GJB2: variants seen among roughly 807,000 people sequenced by gnomAD.
GJB2 encodes gap junction protein beta 2.
A neutral mutation model predicts 16.0 loss-of-function variants in GJB2; 30 were observed. The ratio of observed to expected loss-of-function variants is 1.88; its 90% CI spans 1.41 to 2.55. The LOEUF (loss-of-function observed/expected upper bound fraction) is 2.55, where lower values mean the gene tolerates loss of function less well. Ranked by LOEUF, GJB2 falls within the 30% of genes most tolerant of loss-of-function variation. GJB2 has a pLI of 0.00. For missense variants in GJB2, 284 were observed against 289.7 expected (o/e 0.98, Z 0.14); for synonymous variants, 123 against 119.1 (o/e 1.03, Z -0.21).
chr13:20,189,578 C>T lies in GJB2; in HGVS notation c.4G>A (p.Asp2Asn). 1 of 1,614,024 alleles carries T rather than the reference C, an allele frequency of 6.2e-7. No homozygotes were observed. Among genetic ancestry groups the T allele is most frequent in the East Asian group, 2.2e-5 (1 of 44,884 alleles). Residue 2 changes from aspartate (D) to asparagine (N), a missense_variant, in exon 2 of 2, where the codon GAT becomes AAT. Physicochemically the swap from Asp to Asn is conservative, Grantham distance 23. Coordinates refer to ENST00000382848, the MANE Select transcript of GJB2 (RefSeq NM_004004.6). Reference sequence around the variant, plus strand: ...AGGATCGTCTGCAGCGTGCCCCAATCCATCTTCTACTCTGGGCGGTTTGCT... The same window carrying T: ...AGGATCGTCTGCAGCGTGCCCCAATTCATCTTCTACTCTGGGCGGTTTGCT... Reference protein sequence around the residue: MDWGTLQTILGG... With the variant: MNWGTLQTILGG...
intron 1 of GJB2, among the ~76,000 whole-genome samples, chr13:20,191,354 A>G (rs1253841180): frequency 6.6e-6 from 1 of 152,142 alleles, no homozygotes; most frequent in African/African-American, 2.4e-5. Flanking sequence ...GGGCTGCAGG[A>G]GGAGGGGTTT....
rs104894409 is a variant in GJB2, at chr13:20,189,332, C to A, written c.250G>T (p.Val84Leu). 9 of 1,614,092 alleles carry A rather than the reference C, an allele frequency of 5.6e-6. No homozygotes were observed. The highest frequency in any genetic ancestry group is 5.0e-5 in the Admixed American group (3 of 60,018). ...IRLWALQLIFVSTPALLVAMH... is the reference protein window; with the variant it reads ...IRLWALQLIFLSTPALLVAMH... Reference sequence around the variant, plus strand: ...GCCACTAGGAGCGCTGGCGTGGACACGAAGATCAGCTGCAGGGCCCATAGC... The same window carrying A: ...GCCACTAGGAGCGCTGGCGTGGACAAGAAGATCAGCTGCAGGGCCCATAGC... Residue 84 changes from valine to leucine, a missense_variant, in exon 2 of 2, where the codon GTG (valine) becomes TTG (leucine). Physicochemically the swap from Val to Leu is conservative, Grantham distance 32. Coordinates refer to ENST00000382848, the MANE Select transcript of GJB2 (RefSeq NM_004004.6).
At position 20,189,206 on chromosome 13, in the gene GJB2, C is replaced by T. The variant is rs745669787; in HGVS notation, c.376G>A (p.Val126Ile). 3 of 1,613,756 alleles carry T rather than the reference C, an allele frequency of 1.9e-6. No homozygotes were observed. Among genetic ancestry groups the T allele is most frequent in the Non-Finnish European group, 2.5e-6 (3 of 1,180,010 alleles). Residue 126 changes from valine to isoleucine, a missense_variant, in exon 2 of 2, where the codon GTC becomes ATC. By Grantham distance (29) the Val-to-Ile change is conservative. Transcript: ENST00000382848. ...CACCACAGGGAGCCTTCGATGCGGA[C>T]CTTCTGGGTTTTGATCTCCTCGATG... ...KDIEEIKTQKVRIEGSLWWTY... is the reference protein window; with the variant it reads ...KDIEEIKTQKIRIEGSLWWTY...
Position 20,189,267 on chromosome 13 carries a change from C to A in GJB2, c.315G>T (p.Lys105Asn). The change falls in exon 2 of 2, where the codon AAG (lysine) becomes AAT (asparagine). Residue 105 changes from lysine (K) to asparagine (N), a missense_variant. Lys to Asn is a moderately conservative substitution (Grantham distance 94). Coordinates refer to ENST00000382848, the MANE Select transcript of GJB2 (RefSeq NM_004004.6). ...CACTCTTTATCTCCCCCTTGATGAACTTCCTCTTCTTCTCATGTCTCCGGT... is the reference window on the plus strand; with the variant it reads ...CACTCTTTATCTCCCCCTTGATGAAATTCCTCTTCTTCTCATGTCTCCGGT... ...VAYRRHEKKR[K>N]FIKGEIKSEF... 1 of 1,613,236 alleles carries A rather than the reference C, an allele frequency of 6.2e-7. No individual in the cohort carries two copies.
At chr13:20,189,837 C>T (rs1015554564) in intron 1 of GJB2, 59 of 559,630 alleles carry the variant, frequency 1.1e-4, no homozygotes, top group Middle Eastern at 4.8e-4. Context: ...TAAAAAGTAG[C>T]TTGTTCACCT....
chr13:20,189,311 C>G lies in GJB2; in HGVS notation c.271G>C (p.Val91Leu). 1.2e-6 allele frequency: 2 copies of G among 1,614,028 alleles called. No homozygotes were observed. The highest frequency in any genetic ancestry group is 1.7e-6 in the Non-Finnish European group (2 of 1,180,028). ...CTCCGGTAGGCCACGTGCATGGCCACTAGGAGCGCTGGCGTGGACACGAAG... is the reference window on the plus strand; with the variant it reads ...CTCCGGTAGGCCACGTGCATGGCCAGTAGGAGCGCTGGCGTGGACACGAAG... ...LIFVSTPALL[V>L]AMHVAYRRHE... Residue 91 changes from valine (V) to leucine (L), a missense_variant, in exon 2 of 2, where the codon GTG becomes CTG. Coordinates refer to ENST00000382848, the MANE Select transcript of GJB2 (RefSeq NM_004004.6).
rs777225786 is a variant in GJB2, at chr13:20,189,183, C to T, written c.399G>A (p.Trp133Ter). Residue 133 changes from tryptophan (W) to a stop codon, truncating the protein, a stop_gained, in exon 2 of 2, where the codon TGG (tryptophan) becomes TGA (stop). Transcript: ENST00000382848. LOFTEE classifies it high-confidence loss of function. The stretch of plus-strand genomic sequence containing the variant: ...AGAAGATGCTGCTTGTGTAGGTCCA[C>T]CACAGGGAGCCTTCGATGCGGACCT... ...TQKVRIEGSL[W>*]WTYTSSIFFR... The T allele has an allele frequency of 2.5e-6, 4 of 1,613,902 alleles. No homozygotes were observed. The highest frequency in any genetic ancestry group is 3.4e-6 in the Non-Finnish European group (4 of 1,179,982).
Position 20,188,824 on chromosome 13 carries a change from G to T in GJB2, c.*77C>A. 1 of 1,151,982 alleles carries T rather than the reference G, an allele frequency of 8.7e-7. No homozygotes were observed. Among genetic ancestry groups the T allele is most frequent in the Non-Finnish European group, 1.3e-6 (1 of 762,466 alleles). The allele number at this position is 1,151,982 out of a possible 1,614,324, so 71.4% of individuals were successfully genotyped here. A position where few individuals can be genotyped will look rare whatever the true frequency, so the allele number is the denominator to read the frequency against. On this transcript the variant is annotated 3_prime_UTR_variant, in exon 2 of 2. Transcript: ENST00000382848. The stretch of plus-strand genomic sequence containing the variant: ...TTTGTGTTGGGAAATGCTAGCGACT[G>T]AGCCTTGACAGCTGAGCACGGGTTG...
In GJB2 at chr13:20,188,945, A is replaced by T. The variant is rs1959055197; in HGVS notation, c.637T>A (p.Leu213Met). 6 of 1,613,858 alleles carry T rather than the reference A, an allele frequency of 3.7e-6. No homozygotes were observed. In the East Asian group the frequency reaches 1.1e-4, roughly 30 times the overall value. The change falls in exon 2 of 2, where the codon TTG (leucine) becomes ATG (methionine). Residue 213 changes from leucine (L) to methionine (M), a missense_variant. By Grantham distance (15) the Leu-to-Met change is conservative. Coordinates refer to ENST00000382848, the MANE Select transcript of GJB2 (RefSeq NM_004004.6). The part of the protein sequence containing the change: ...ILLNVTELCY[L>M]LIRYCSGKSK... ...TTCCCAGAACAATATCTAATTAGCA[A>T]ATAACACAATTCAGTGACATTCAGC... is the stretch of plus-strand genomic sequence containing the variant.
intron 1 of GJB2, 47 bp from the exon 2 acceptor site, chr13:20,189,650 G>A: frequency 7.2e-7 from 1 of 1,385,316 alleles, no homozygotes. Context: ...AGCTAGGACA[G>A]AACAGGGAGA....
intron 1 of GJB2, among the ~76,000 whole-genome samples, chr13:20,191,630 G>A (rs751359517): frequency 3.9e-5 from 6 of 152,202 alleles, no homozygotes; most frequent in Non-Finnish European, 5.9e-5. Context: ...CAGAGGAGGA[G>A]CTGCCCTCCT....
intron 1 of GJB2, among the ~76,000 whole-genome samples, chr13:20,191,922 C>T (rs1202364915): frequency 6.6e-6 from 1 of 152,214 alleles, no homozygotes; most frequent in Non-Finnish European, 1.5e-5. Context: ...ACAGCAGTTT[C>T]GAAAGGGACT....
chr13:20,188,990 C>CTG lies in GJB2; in HGVS notation c.590_591dup (p.Val198GlnfsTer9), dbSNP rs1285756358. On this transcript the variant is annotated frameshift_variant, in exon 2 of 2. Transcript: ENST00000382848. LOFTEE classifies it high-confidence loss of function. ...TTCAGCAGGATGCAAATTCCAGACA[C>CTG]TGCAATCATGAACACTGTGAAGACA... The CTG allele has an allele frequency of 2.5e-6, 4 of 1,614,022 alleles. No individual in the cohort carries two copies. The Admixed American group carries it at 6.7e-5, about 27-fold the overall frequency.
chr13:20,192,611 G>C (rs1222338562), intron 1 of GJB2, among the ~76,000 whole-genome samples, 172 bp downstream of exon 1: 1 of 151,950 alleles, frequency 6.6e-6, no homozygotes, highest in African/African-American at 2.4e-5. Flanking sequence ...TCCGGAGCTC[G>C]GCCGCAGAAA....
chr13:20,189,862 A>C, intron 1 of GJB2: 2 of 503,014 alleles, frequency 4.0e-6, no homozygotes, highest in Non-Finnish European at 7.3e-6. Context: ...AATTCACCCA[A>C]TCTTTAAACA....
intron 1 of GJB2, among the ~76,000 whole-genome samples, chr13:20,190,532 T>C (rs959883005): frequency 7.2e-5 from 11 of 152,256 alleles, no homozygotes; most frequent in Non-Finnish European, 1.2e-4. Context: ...CCTCGGTTAC[T>C]GGCCCAGCTA....
At chr13:20,190,346 C>T (rs571273845) in intron 1 of GJB2, among the ~76,000 whole-genome samples, 19 of 152,324 alleles carry the variant, frequency 1.2e-4, no homozygotes, top group Middle Eastern at 6.8e-3. Flanking sequence ...CACAGACTTT[C>T]GTGTAGGCTT....
rs111033217 is a variant in GJB2 at position 20,189,538 on chromosome 13, T to G, written c.44A>C (p.Lys15Thr). 2.2e-5 allele frequency: 35 copies of G among 1,613,936 alleles called. No individual in the cohort carries two copies. Among genetic ancestry groups the G allele is most frequent in the Non-Finnish European group, 3.0e-5 (35 of 1,179,938 alleles). ...TLQTILGGVNKHSTSIGKIWL... is the reference protein window; with the variant it reads ...TLQTILGGVNTHSTSIGKIWL... Reference sequence around the variant, plus strand: ...GATCTTTCCAATGCTGGTGGAGTGTTTGTTCACACCCCCCAGGATCGTCTG... The same window carrying G: ...GATCTTTCCAATGCTGGTGGAGTGTGTGTTCACACCCCCCAGGATCGTCTG... Residue 15 changes from lysine (K) to threonine (T), a missense_variant, in exon 2 of 2, where the codon AAA becomes ACA. Lys to Thr is a moderately conservative substitution (Grantham distance 78). Coordinates refer to ENST00000382848, the MANE Select transcript of GJB2 (RefSeq NM_004004.6).
intron 1 of GJB2, among the ~76,000 whole-genome samples, chr13:20,192,240 G>T (rs1449270535): frequency 1.3e-5 from 2 of 152,212 alleles, no homozygotes; most frequent in African/African-American, 4.8e-5. Context: ...CCCGGGGTAG[G>T]CCGGGATCGG....
Sources: gnomAD v4.1 joint callset for allele counts (sites outside exome capture counted in the v4.1 genomes callset) on GRCh38, gnomAD v4.1.1 for gene constraint, MANE v1.5 for transcripts, NCBI Gene and HGNC (gene_info 2026-07-23, HGNC 2026-07-21) for gene names.